Variants in CR1L observed in about 807,000 individuals in gnomAD.
CR1L encodes complement component receptor 1-like protein.
In CR1L, 59 loss-of-function variants were observed where a neutral mutation model predicts 62.3. That is an observed-to-expected ratio of 0.95 (90% confidence interval 0.77 to 1.18). The LOEUF (loss-of-function observed/expected upper bound fraction) is 1.18. Among genes scored for constraint, CR1L ranks in the 50% most tolerant of loss-of-function variants. CR1L has a pLI of 0.00. For synonymous variants in CR1L, 279 were observed against 248.7 expected (o/e 1.12, Z -1.15); for missense variants, 700 against 702.8 (o/e 1.00, Z 0.04).
intron 5 of CR1L, 106 bp downstream of exon 5, chr1:207,694,857 G>C (rs183635638): frequency 2.2e-5 from 34 of 1,560,420 alleles, no homozygotes; most frequent in Non-Finnish European, 2.8e-5. Flanking sequence ...GAGCAGGGTC[G>C]AGAAGCAAAT....
intron 10 of CR1L, chr1:207,711,545 G>A (rs1399068018): frequency 6.6e-6 from 1 of 152,512 alleles, no homozygotes; most frequent in Non-Finnish European, 1.5e-5. Flanking sequence ...CGATCTGGAA[G>A]TTACCACCCC....
rs201729284 is a variant in CR1L at position 207,708,209 on chromosome 1, T to C, written c.1360T>C (p.Cys454Arg). 540 of 1,611,512 alleles carry C rather than the reference T, an allele frequency of 3.4e-4. 1 individual carries two copies. Among genetic ancestry groups the C allele is most frequent in the Non-Finnish European group, 4.4e-4 (524 of 1,179,474 alleles). Residue 454 changes from cysteine (C) to arginine (R), a missense_variant, in exon 10 of 12, where the codon TGT becomes CGT. Physicochemically the swap from Cys to Arg is radical, Grantham distance 180. Coordinates refer to ENST00000508064, the MANE Select transcript of CR1L (RefSeq NM_175710.2). Reference protein sequence around the residue: ...HRLIGHSSAECILSGNTAHWS... With the variant: ...HRLIGHSSAERILSGNTAHWS... The stretch of plus-strand genomic sequence containing the variant: ...ACTCATTGGTCACTCATCTGCTGAA[T>C]GTATCCTCTCGGGCAATACTGCCCA...
Position 207,676,057 on chromosome 1 carries a change from A to C in CR1L, c.98-1332A>C, listed in dbSNP as rs1217853094. On this transcript the variant is annotated intron_variant, in intron 1 of 11. Transcript: ENST00000508064. The stretch of plus-strand genomic sequence containing the variant: ...AGTGTGAAGGTGGATGGTAAAATGC[A>C]TGAGTGTATCTTACACTCATACTTT... Among the ~76,000 whole-genome samples the C allele has an allele frequency of 4.6e-5, 7 of 152,304 alleles. No individual in the cohort carries two copies. The Middle Eastern group carries it at 0.01, about 222-fold the overall frequency.
At chr1:207,688,092 G>A (rs1663939300) in intron 4 of CR1L, among the ~76,000 whole-genome samples, 1 of 152,154 alleles carries the variant, frequency 6.6e-6, no homozygotes, top group African/African-American at 2.4e-5. Flanking sequence ...GGGCAACAAA[G>A]CGAGACCCTG....
intron 4 of CR1L, among the ~76,000 whole-genome samples, chr1:207,686,251 G>A (rs1571520140): frequency 1.4e-5 from 2 of 142,916 alleles, no homozygotes; most frequent in Middle Eastern, 7.2e-3. Context: ...AGGACCACCA[G>A]TATAACATTG....
At chr1:207,709,878 C>G (rs1664326073) in intron 10 of CR1L, among the ~76,000 whole-genome samples, 1 of 149,574 alleles carries the variant, frequency 6.7e-6, no homozygotes, top group African/African-American at 2.5e-5. Flanking sequence ...AATATATGGA[C>G]ACATTTAGCA....
At chr1:207,700,111 T>C (rs537517193) in intron 8 of CR1L, among the ~76,000 whole-genome samples, 3 of 152,306 alleles carry the variant, frequency 2.0e-5, no homozygotes, top group South Asian at 4.1e-4. Flanking sequence ...ATTTCCCCAA[T>C]AGAAGATAGA....
intron 9 of CR1L, among the ~76,000 whole-genome samples, chr1:207,706,774 A>C (rs777936883): frequency 6.6e-6 from 1 of 152,226 alleles, no homozygotes; most frequent in Non-Finnish European, 1.5e-5. Context: ...CCAGGCAATT[A>C]ATAAGCAAAT....
intron 8 of CR1L, 77 bp downstream of exon 8, chr1:207,699,351 T>C (rs1664157250): frequency 6.5e-7 from 1 of 1,530,840 alleles, no homozygotes; most frequent in Admixed American, 1.9e-5. Context: ...CCTCCCCTAA[T>C]GTGGTTCTTC....
intron 10 of CR1L, among the ~76,000 whole-genome samples, chr1:207,711,183 C>G (rs1197479289): frequency 1.3e-5 from 2 of 152,156 alleles, no homozygotes; most frequent in Non-Finnish European, 2.9e-5. Flanking sequence ...TTTTTGATGG[C>G]TCATCTTGTC....
rs1196616621 is a variant in CR1L at position 207,654,525 on chromosome 1, C to A, written c.97+9195C>A. On this transcript the variant is annotated intron_variant, in intron 1 of 11. Transcript: ENST00000508064. ...TAAGAGTCCAGAAGGAGGAGAGATT[C>A]CTGTGAATTTAAATCAGGGAAGATT... Among the ~76,000 whole-genome samples the A allele has an allele frequency of 2.6e-5, 4 of 151,994 alleles. No individual in the cohort carries two copies. In the East Asian group the frequency reaches 7.7e-4, roughly 29 times the overall value.
At chr1:207,694,302 T>G in intron 4 of CR1L, 51 bp from the exon 5 acceptor site, 1,689 of 1,580,386 alleles carry the variant, frequency 1.1e-3, no homozygotes, top group Non-Finnish European at 1.4e-3. Flanking sequence ...TAGTGACTCG[T>G]GAGATTTTTG....
chr1:207,678,730 C>G (rs1663746690), intron 3 of CR1L, among the ~76,000 whole-genome samples: 1 of 152,176 alleles, frequency 6.6e-6, no homozygotes, highest in Admixed American at 6.5e-5. Flanking sequence ...TTAATACAAA[C>G]AAAGTTTTTG....
rs578159562 is a variant in CR1L, at chr1:207,695,026, A to G, written c.862+275A>G. 3.3e-5 allele frequency among the ~76,000 whole-genome samples: 5 copies of G among 152,350 alleles called. No individual in the cohort carries two copies. The South Asian group carries it at 1.0e-3, about 32-fold the overall frequency. ...TTTGAGTATAATAACTGCTGATAGA[A>G]AATGAGTGATTCTTCCAGCCAGGCA... On this transcript the variant is annotated intron_variant, in intron 5 of 11. Coordinates refer to ENST00000508064, the MANE Select transcript of CR1L (RefSeq NM_175710.2).
chr1:207,645,852 G>A (rs934057687), intron 1 of CR1L, among the ~76,000 whole-genome samples: 2 of 152,198 alleles, frequency 1.3e-5, no homozygotes, highest in Non-Finnish European at 2.9e-5. Flanking sequence ...TGGGCTGGGC[G>A]AGCAGGGGCC....
At chr1:207,717,235 A>G (rs1050322932) in intron 10 of CR1L, among the ~76,000 whole-genome samples, 1 of 152,188 alleles carries the variant, frequency 6.6e-6, no homozygotes, top group Non-Finnish European at 1.5e-5. Flanking sequence ...AGCTACCTGG[A>G]TGGTCCAAAA....
chr1:207,668,029 C>T (rs1055578480), intron 1 of CR1L, among the ~76,000 whole-genome samples: 3 of 151,010 alleles, frequency 2.0e-5, no homozygotes, highest in Admixed American at 1.3e-4. Flanking sequence ...ACAAATGCTG[C>T]TGAGGATGTG....
At chr1:207,716,055 A>G (rs779829675) in intron 10 of CR1L, among the ~76,000 whole-genome samples, 2 of 152,140 alleles carry the variant, frequency 1.3e-5, no homozygotes, top group Non-Finnish European at 2.9e-5. Flanking sequence ...CTTGTTTTTT[A>G]GCCTGCAGTA....
At chr1:207,694,933 C>G (rs1237367058) in intron 5 of CR1L, among the ~76,000 whole-genome samples, 182 bp downstream of exon 5, 1 of 152,128 alleles carries the variant, frequency 6.6e-6, no homozygotes, top group Admixed American at 6.5e-5. Context: ...AATGAAGAAG[C>G]AAAGCTAAAC....
Sources: gnomAD v4.1 joint callset for allele counts (sites outside exome capture counted in the v4.1 genomes callset) on GRCh38, gnomAD v4.1.1 for gene constraint, MANE v1.5 for transcripts, NCBI Gene and HGNC (gene_info 2026-07-23, HGNC 2026-07-21) for gene names.